PTPRG: variants seen among roughly 807,000 people sequenced by gnomAD.
The protein encoded by PTPRG is protein tyrosine phosphatase receptor type G.
A neutral mutation model predicts 165.3 loss-of-function variants in PTPRG; 102 were observed. The ratio of observed to expected loss-of-function variants is 0.62; its 90% CI spans 0.53 to 0.73. The LOEUF (loss-of-function observed/expected upper bound fraction) is 0.73. PTPRG is among the 30% of genes least tolerant of loss of function. The probability of loss-of-function intolerance (pLI) is 0.00; values close to 1 mark genes in which losing one functional copy is unlikely to be tolerated. For missense variants in PTPRG, 1,866 were observed against 1,861.4 expected (o/e 1.00, Z -0.05); for synonymous variants, 675 against 669.5 (o/e 1.01, Z -0.13).
intron 1 of PTPRG, among the ~76,000 whole-genome samples, chr3:61,604,855 G>T (rs1256071886): frequency 6.6e-6 from 1 of 152,088 alleles, no homozygotes; most frequent in Non-Finnish European, 1.5e-5. Context: ...GTAGATTCAG[G>T]GTCCAGGCAG....
At chr3:62,155,418 G>C (rs965935906) in intron 6 of PTPRG, among the ~76,000 whole-genome samples, 1 of 152,266 alleles carries the variant, frequency 6.6e-6, no homozygotes, top group Admixed American at 6.5e-5. Flanking sequence ...AATAATAAAA[G>C]CCTGGATTCT....
intron 6 of PTPRG, among the ~76,000 whole-genome samples, chr3:62,138,021 T>C (rs767560288): frequency 1.2e-4 from 18 of 152,198 alleles, no homozygotes; most frequent in Non-Finnish European, 2.1e-4. Context: ...TGTCAACTTA[T>C]GCTTCTCATC....
At chr3:61,776,800 T>C (rs2034397420) in intron 2 of PTPRG, among the ~76,000 whole-genome samples, 1 of 152,130 alleles carries the variant, frequency 6.6e-6, no homozygotes, top group Non-Finnish European at 1.5e-5. Flanking sequence ...ATTAAAGTCC[T>C]CCCTGTCTTT....
At chr3:61,614,120 C>T (rs9836164) in intron 1 of PTPRG, among the ~76,000 whole-genome samples, 4,313 of 152,222 alleles carry the variant, frequency 0.028, 189 homozygotes, top group African/African-American at 0.095. Context: ...GGCCTGCCTC[C>T]GCCTCTCACC....
At chr3:61,821,450 T>G (rs581790) in intron 2 of PTPRG, among the ~76,000 whole-genome samples, 57,241 of 152,138 alleles carry the variant, frequency 0.38, 11,557 homozygotes, top group East Asian at 0.65. Context: ...ATTACAGGCG[T>G]GAGCCACCGC....
At chr3:61,973,277 A>G (rs188569737) in intron 2 of PTPRG, among the ~76,000 whole-genome samples, 6 of 152,346 alleles carry the variant, frequency 3.9e-5, no homozygotes, top group East Asian at 3.9e-4. Flanking sequence ...TTTCACAACT[A>G]GGATCCAGCT....
intron 1 of PTPRG, among the ~76,000 whole-genome samples, chr3:61,654,468 T>C (rs1702453583): frequency 6.6e-6 from 1 of 152,096 alleles, no homozygotes. Context: ...GACTGCAGCC[T>C]CCGCCTCCCA....
Position 62,237,576 on chromosome 3 carries a change from C to T in PTPRG, c.2376-6231C>T, listed in dbSNP as rs1214082683. On this transcript the variant is annotated intron_variant, in intron 14 of 29. Transcript: ENST00000474889. This position sits in a 1 kb window ranked among gnomAD's most constrained non-coding sequence, Gnocchi z 4.5. ...CTGCACGTTGTGTGTGCTCTGTTTT[C>T]CCAAGAGTAGACTTTATTTTTAAAG... Among the ~76,000 whole-genome samples the T allele has an allele frequency of 6.6e-6, 1 of 152,162 alleles. No homozygotes were observed. Among genetic ancestry groups the T allele is most frequent in the African/African-American group, 2.4e-5 (1 of 41,442 alleles).
chr3:62,023,074 A>G (rs2041734655), intron 4 of PTPRG, among the ~76,000 whole-genome samples: 1 of 152,164 alleles, frequency 6.6e-6, no homozygotes, highest in East Asian at 1.9e-4. Context: ...TTACCTTTAC[A>G]GCTATATATA....
chr3:61,756,132 G>C (rs1306315651), intron 2 of PTPRG, among the ~76,000 whole-genome samples: 1 of 152,204 alleles, frequency 6.6e-6, no homozygotes, highest in Non-Finnish European at 1.5e-5. Flanking sequence ...TGGTGGGTTG[G>C]TTGAAAAGAT....
At chr3:61,933,958 A>G (rs370802551) in intron 2 of PTPRG, among the ~76,000 whole-genome samples, 28 of 152,208 alleles carry the variant, frequency 1.8e-4, no homozygotes, top group Non-Finnish European at 3.5e-4. Flanking sequence ...CCTCTCTGCA[A>G]GTGAGCCACA....
At chr3:62,023,992 G>A (rs1349430713) in intron 4 of PTPRG, among the ~76,000 whole-genome samples, 2 of 152,028 alleles carry the variant, frequency 1.3e-5, no homozygotes, top group Non-Finnish European at 2.9e-5. Context: ...ACAAGAAGAG[G>A]TTCAAAAACA....
intron 5 of PTPRG, among the ~76,000 whole-genome samples, chr3:62,099,203 A>G (rs913279229): frequency 1.3e-5 from 2 of 152,220 alleles, no homozygotes; most frequent in African/African-American, 4.8e-5. Context: ...GAGTAAAGCA[A>G]TAAAATCCAG....
intron 6 of PTPRG, among the ~76,000 whole-genome samples, chr3:62,148,095 G>A (rs1000389041): frequency 1.3e-5 from 2 of 152,144 alleles, no homozygotes; most frequent in African/African-American, 4.8e-5. Flanking sequence ...GCAGTGAGCC[G>A]AGATCGTGCC....
intron 16 of PTPRG, among the ~76,000 whole-genome samples, chr3:62,261,487 A>G (rs1425601745): frequency 6.6e-6 from 1 of 152,220 alleles, no homozygotes; most frequent in Non-Finnish European, 1.5e-5. Flanking sequence ...TAGGTTATAA[A>G]CTATGTTAGA....
At chr3:61,590,632 A>G (rs1229804097) in intron 1 of PTPRG, among the ~76,000 whole-genome samples, 4 of 152,350 alleles carry the variant, frequency 2.6e-5, no homozygotes, top group Admixed American at 1.3e-4. Context: ...GAGTATGAAG[A>G]GATTTGAATA....
At chr3:61,744,084 ACT>A (rs1325571120) in intron 1 of PTPRG, among the ~76,000 whole-genome samples, 1 of 152,070 alleles carries the variant, frequency 6.6e-6, no homozygotes, top group African/African-American at 2.4e-5. Flanking sequence ...TGGTGTGCTG[ACT>A]CTGTATCTTT....
intron 1 of PTPRG, among the ~76,000 whole-genome samples, chr3:61,599,912 A>C (rs1700805210): frequency 6.6e-6 from 1 of 152,064 alleles, no homozygotes. Flanking sequence ...TAATCTCAGC[A>C]CTTTGGGAAG....
At chr3:61,665,467 AAT>A (rs1210257614) in intron 1 of PTPRG, among the ~76,000 whole-genome samples, 7 of 79,710 alleles carry the variant, frequency 8.8e-5, no homozygotes, top group African/African-American at 4.3e-4. Flanking sequence ...ATTGTAAATA[AAT>A]ACACACACAC....
Sources: allele counts gnomAD v4.1 joint callset (sites outside exome capture counted in the v4.1 genomes callset), GRCh38; gene constraint gnomAD v4.1.1; non-coding constraint Gnocchi (gnomAD v3.1); transcripts MANE v1.5; gene names NCBI Gene and HGNC (gene_info 2026-07-23, HGNC 2026-07-21).